Variants in RPS6KC1 observed in about 807,000 individuals in gnomAD.
The protein encoded by RPS6KC1 is inactive ribosomal protein S6 kinase delta-1.
A neutral mutation model predicts 103.8 loss-of-function variants in RPS6KC1; 54 were observed. The observed-to-expected ratio is 0.52, with a 90% CI of 0.42 to 0.65. The LOEUF is 0.65. Ranked by LOEUF, RPS6KC1 falls within the 30% of genes least tolerant of loss-of-function variation. The probability of loss-of-function intolerance (pLI) is 0.00; values close to 1 mark genes in which losing one functional copy is unlikely to be tolerated. For missense variants in RPS6KC1, 1,151 were observed against 1,253.8 expected, an observed-to-expected ratio of 0.92 and a Z score of 1.24; for synonymous variants, 439 against 438.7, an observed-to-expected ratio of 1.00 and a Z score of -0.01.
intron 3 of RPS6KC1, among the ~76,000 whole-genome samples, chr1:213,089,051 T>C (rs1444387322): frequency 1.3e-5 from 2 of 152,368 alleles, no homozygotes; most frequent in East Asian, 3.8e-4. Context: ...AGTAACAATT[T>C]ATGATTTTTT....
chr1:213,488,384 A>G, the RPS6KC1 span, among the ~76,000 whole-genome samples: 2 of 152,228 alleles, frequency 1.3e-5, no homozygotes, highest in Non-Finnish European at 2.9e-5. Context: ...CCAAAAAAGC[A>G]AAAAGCATCC....
chr1:213,682,454 C>T, the RPS6KC1 span, among the ~76,000 whole-genome samples: 1 of 152,196 alleles, frequency 6.6e-6, no homozygotes, highest in African/African-American at 2.4e-5. Flanking sequence ...AATGATAATG[C>T]AGTACTTACA....
At chr1:213,285,036 G>C in the RPS6KC1 span, among the ~76,000 whole-genome samples, 1 of 152,210 alleles carries the variant, frequency 6.6e-6, no homozygotes, top group African/African-American at 2.4e-5. Context: ...ATTTTTCCCT[G>C]TCTTAGTTTG....
At chr1:213,810,962 T>G in the RPS6KC1 span, among the ~76,000 whole-genome samples, 97 of 152,210 alleles carry the variant, frequency 6.4e-4, no homozygotes, top group Non-Finnish European at 1.1e-3. Flanking sequence ...TGGGGTTTAC[T>G]TCCATGGGCA....
the RPS6KC1 span, among the ~76,000 whole-genome samples, chr1:213,767,792 C>T: frequency 3.9e-5 from 6 of 152,162 alleles, no homozygotes; most frequent in Non-Finnish European, 8.8e-5. Flanking sequence ...CCAGAGGCCA[C>T]GTGGTTAGTG....
chr1:213,604,067 G>A, the RPS6KC1 span, among the ~76,000 whole-genome samples: 2 of 151,914 alleles, frequency 1.3e-5, no homozygotes, highest in Non-Finnish European at 2.9e-5. Flanking sequence ...GGAAATCAAG[G>A]CAATACTGTT....
chr1:213,485,277 G>A, the RPS6KC1 span, among the ~76,000 whole-genome samples: 136 of 152,320 alleles, frequency 8.9e-4, 1 homozygote, highest in African/African-American at 3.1e-3. Context: ...CAACCAATGA[G>A]TGAGGAAGTT....
At chr1:213,800,049 C>T in the RPS6KC1 span, among the ~76,000 whole-genome samples, 1 of 152,188 alleles carries the variant, frequency 6.6e-6, no homozygotes, top group Non-Finnish European at 1.5e-5. Context: ...TTAATCCCAG[C>T]ATTGGGGGCT....
At chr1:213,127,419 A>G (rs1286201655) in intron 5 of RPS6KC1, among the ~76,000 whole-genome samples, 1 of 152,182 alleles carries the variant, frequency 6.6e-6, no homozygotes, top group Non-Finnish European at 1.5e-5. Flanking sequence ...TCTTTTTAAT[A>G]TGCTGTGTGA....
chr1:213,692,831 T>G, the RPS6KC1 span, among the ~76,000 whole-genome samples: 1 of 152,194 alleles, frequency 6.6e-6, no homozygotes. Flanking sequence ...AGACTTTCCC[T>G]GGCTCTGGCT....
At chr1:213,653,740 C>T in the RPS6KC1 span, among the ~76,000 whole-genome samples, 2 of 152,194 alleles carry the variant, frequency 1.3e-5, no homozygotes, top group Non-Finnish European at 2.9e-5. Flanking sequence ...TGTTCTGGCT[C>T]ATAGCAGAAT....
the RPS6KC1 span, among the ~76,000 whole-genome samples, chr1:213,352,221 C>A: frequency 1.3e-5 from 2 of 151,976 alleles, no homozygotes; most frequent in African/African-American, 2.4e-5. Context: ...CATTGATGAG[C>A]AAAACAGAAT....
At chr1:213,758,674 A>G in the RPS6KC1 span, among the ~76,000 whole-genome samples, 1 of 152,170 alleles carries the variant, frequency 6.6e-6, no homozygotes, top group African/African-American at 2.4e-5. Flanking sequence ...AAACTTCATG[A>G]ATGACTTTGA....
At chr1:213,503,933 A>G in the RPS6KC1 span, among the ~76,000 whole-genome samples, 4 of 152,198 alleles carry the variant, frequency 2.6e-5, no homozygotes, top group African/African-American at 4.8e-5. Context: ...ATAAAAAAAT[A>G]TGTTCAAGGA....
chr1:213,140,438 G>T (rs2086877243), intron 6 of RPS6KC1, among the ~76,000 whole-genome samples: 1 of 152,062 alleles, frequency 6.6e-6, no homozygotes, highest in Non-Finnish European at 1.5e-5. Flanking sequence ...AATGCTTCCA[G>T]CATTTGTCCA....
chr1:213,746,400 G>A, the RPS6KC1 span, among the ~76,000 whole-genome samples: 1 of 152,186 alleles, frequency 6.6e-6, no homozygotes, highest in South Asian at 2.1e-4. Flanking sequence ...GGCACCTGGG[G>A]TGTCTGGTGG....
chr1:213,383,489 A>G, the RPS6KC1 span, among the ~76,000 whole-genome samples: 1 of 152,352 alleles, frequency 6.6e-6, no homozygotes, highest in East Asian at 1.9e-4. Flanking sequence ...CTCCAGGGCA[A>G]GAATTTCATA....
At chr1:213,167,439 AACACACACACACACACACAC>A (rs199762137) in intron 6 of RPS6KC1, among the ~76,000 whole-genome samples, 15 of 75,990 alleles carry the variant, frequency 2.0e-4, no homozygotes, top group East Asian at 6.9e-4. Flanking sequence ...CAAGGTTGAA[AACACACACACACACACACAC>A]ACACACACAC....
chr1:213,511,304 C>G, the RPS6KC1 span, among the ~76,000 whole-genome samples: 1 of 152,158 alleles, frequency 6.6e-6, no homozygotes, highest in East Asian at 1.9e-4. Flanking sequence ...GGAACTGGCT[C>G]TCTGAGGGCA....
Sources: allele counts gnomAD v4.1 joint callset (sites outside exome capture counted in the v4.1 genomes callset), GRCh38; gene constraint gnomAD v4.1.1; transcripts MANE v1.5; gene names NCBI Gene and HGNC (gene_info 2026-07-23, HGNC 2026-07-21).